The following SLC29A4 variants were observed in gnomAD, a reference collection of about 807,000 sequenced individuals.
The protein encoded by SLC29A4 is equilibrative nucleoside transporter 4.
Under a neutral mutation model 43.9 loss-of-function variants are expected in SLC29A4, and 36 were observed. The ratio of observed to expected loss-of-function variants is 0.82; its 90% confidence interval spans 0.63 to 1.08. The LOEUF (loss-of-function observed/expected upper bound fraction) is 1.08, where lower values mean the gene tolerates loss of function less well. Ranked by LOEUF, SLC29A4 falls within the 50% of genes least tolerant of loss-of-function variation. The pLI is 0.00. For missense variants in SLC29A4, 869 were observed against 755.3 expected, an observed-to-expected ratio of 1.15 and a Z score of -1.77; for synonymous variants, 491 against 338.0, an observed-to-expected ratio of 1.45 and a Z score of -4.97.
chr7:5,303,095 T>C lies in SLC29A4; in HGVS notation c.*156T>C, dbSNP rs1434842175. 3.4e-6 allele frequency: 3 copies of C among 881,898 alleles called. No individual in the cohort carries two copies. The highest frequency in any genetic ancestry group is 5.1e-6 in the Non-Finnish European group (3 of 589,060). The allele number at this position is 881,898 out of a possible 1,614,324, so 54.6% of individuals were successfully genotyped here. ...CTCAGGGTCCAGCCATGCCCCACCCTGGACTGAAGTTCTGCAAAGTCCTCC... is the reference window on the plus strand; with the variant it reads ...CTCAGGGTCCAGCCATGCCCCACCCCGGACTGAAGTTCTGCAAAGTCCTCC... On this transcript the variant is annotated 3_prime_UTR_variant, in exon 11 of 11. Transcript: ENST00000396872.
At chr7:5,296,801 G>T (rs1161547928) in intron 6 of SLC29A4, 135 bp from the exon 7 acceptor site, 5 of 1,019,050 alleles carry the variant, frequency 4.9e-6, no homozygotes, top group Non-Finnish European at 6.7e-6. Flanking sequence ...GGCGGGGCCT[G>T]TGGGTGGGGG....
Position 5,291,811 on chromosome 7 carries a change from C to T in SLC29A4, c.534C>T (p.Phe178=), listed in dbSNP as rs749900667. Residue 178 remains phenylalanine (F), a synonymous_variant, in exon 5 of 11, where the codon TTC becomes TTT. Transcript: ENST00000396872. The part of the protein sequence containing the change: ...INLAAVGTVA[F]GCTVQQSSFY... ...TGGCCGCTGTGGGCACCGTGGCCTT[C>T]GGCTGCACAGGTAGGAACCGGGGCC... is the stretch of plus-strand genomic sequence containing the variant. The T allele has an allele frequency of 2.0e-5, 32 of 1,611,590 alleles. No homozygotes were observed. The South Asian group carries it at 2.6e-4, about 13-fold the overall frequency.
In SLC29A4 at chr7:5,304,078, A is replaced by G. The variant is rs1786358120; in HGVS notation, c.*1139A>G. The G allele has an allele frequency of 6.6e-6, 1 of 152,298 alleles. No individual in the cohort carries two copies. The highest frequency in any genetic ancestry group is 1.5e-5 in the Non-Finnish European group (1 of 68,134). 9.4% of individuals were successfully genotyped at this position (152,298 alleles called of 1,614,324 possible). ...CCGCTGCACCGCCGCCTGCAAGCAG[A>G]GTTTGTGCGTGGACGGGGGCTGGGA... On this transcript the variant is annotated 3_prime_UTR_variant, in exon 11 of 11. Coordinates refer to ENST00000396872, the MANE Select transcript of SLC29A4 (RefSeq NM_153247.4).
At position 5,286,577 on chromosome 7, in the gene SLC29A4, C is replaced by T. The variant is rs548133189; in HGVS notation, c.-8-1232C>T. The stretch of plus-strand genomic sequence containing the variant: ...ATTTTAGGGGAAAAAGCTAGCCTGC[C>T]TCAGGCACACACAGGGCTGCCCACA... On this transcript the variant is annotated intron_variant, in intron 1 of 10. Coordinates refer to ENST00000396872, the MANE Select transcript of SLC29A4 (RefSeq NM_153247.4). Among the ~76,000 whole-genome samples the T allele has an allele frequency of 2.0e-4, 30 of 152,132 alleles. No individual in the cohort carries two copies. In the South Asian group the frequency reaches 5.6e-3, roughly 29 times the overall value.
chr7:5,301,483 G>A (rs2128092854), intron 10 of SLC29A4, among the ~76,000 whole-genome samples: 1 of 152,266 alleles, frequency 6.6e-6, no homozygotes, highest in African/African-American at 2.4e-5. Context: ...GGATGCAAGG[G>A]AAAGGCATCC....
intron 5 of SLC29A4, among the ~76,000 whole-genome samples, chr7:5,293,959 AGCCGG>A (rs1785476275): frequency 6.6e-6 from 1 of 152,066 alleles, no homozygotes; most frequent in Non-Finnish European, 1.5e-5. Context: ...ACAAAAAATT[AGCCGG>A]GTGTGGTGGT....
chr7:5,283,801 T>C (rs1356637490), intron 1 of SLC29A4, among the ~76,000 whole-genome samples: 1 of 152,172 alleles, frequency 6.6e-6, no homozygotes, highest in Non-Finnish European at 1.5e-5. Flanking sequence ...TAACCAGGGC[T>C]GGTGACTGAG....
At chr7:5,288,164 C>T (rs577646584) in intron 2 of SLC29A4, among the ~76,000 whole-genome samples, 179 bp downstream of exon 2, 12 of 152,276 alleles carry the variant, frequency 7.9e-5, no homozygotes, top group African/African-American at 1.9e-4. Context: ...TCAGTGTCTC[C>T]GCCCTGATGC....
intron 7 of SLC29A4, 58 bp from the exon 8 acceptor site, chr7:5,298,930 C>G (rs1384239306): frequency 1.9e-6 from 3 of 1,565,490 alleles, no homozygotes; most frequent in African/African-American, 2.7e-5. Flanking sequence ...GGATTCCTGG[C>G]CCGTGTCTCC....
At chr7:5,298,933 G>T in intron 7 of SLC29A4, 55 bp from the exon 8 acceptor site, 1 of 1,570,016 alleles carries the variant, frequency 6.4e-7, no homozygotes. Flanking sequence ...TTCCTGGCCC[G>T]TGTCTCCTGT....
rs771105876 is a variant in SLC29A4, at chr7:5,299,353, C to T, written c.1135C>T (p.Arg379Cys). The change falls in exon 9 of 11, where the codon CGC (arginine) becomes TGC (cysteine). Residue 379 changes from arginine (R) to cysteine (C), a missense_variant. Physicochemically the swap from Arg to Cys is radical, Grantham distance 180. Coordinates refer to ENST00000396872, the MANE Select transcript of SLC29A4 (RefSeq NM_153247.4). Reference protein sequence around the residue: ...CLFPGLESEIRHCILGEWLPI... With the variant: ...CLFPGLESEICHCILGEWLPI... ...GTTCCCCGGCCTCGAGTCTGAGATC[C>T]GCCACTGCATCCTGGGCGAGTGGCT... 18 of 1,612,252 alleles carry T rather than the reference C, an allele frequency of 1.1e-5. No individual in the cohort carries two copies. The highest frequency in any genetic ancestry group is 1.4e-5 in the Non-Finnish European group (17 of 1,179,860).
At chr7:5,302,099 C>A (rs781751212) in intron 10 of SLC29A4, among the ~76,000 whole-genome samples, 1 of 152,114 alleles carries the variant, frequency 6.6e-6, no homozygotes, top group African/African-American at 2.4e-5. Flanking sequence ...TATGGATGCC[C>A]CCCACCATAC....
chr7:5,306,628 C>A lies in SLC29A4; in HGVS notation c.*3689C>A, dbSNP rs1252760918. 2.0e-5 allele frequency: 3 copies of A among 152,156 alleles called. No homozygotes were observed. Among genetic ancestry groups the A allele is most frequent in the Admixed American group, 6.6e-5 (1 of 15,262 alleles). 9.4% of individuals were successfully genotyped at this position (152,156 alleles called of 1,614,324 possible). A position where few individuals can be genotyped will look rare whatever the true frequency, so the allele number is the denominator to read the frequency against. On this transcript the variant is annotated 3_prime_UTR_variant, in exon 11 of 11. Coordinates refer to ENST00000396872, the MANE Select transcript of SLC29A4 (RefSeq NM_153247.4). ...GCATTACAGGCGTGAGCCACTGTGCCCAGCCGATGAGCTCATTTAGATGGC... is the reference window on the plus strand; with the variant it reads ...GCATTACAGGCGTGAGCCACTGTGCACAGCCGATGAGCTCATTTAGATGGC...
intron 7 of SLC29A4, among the ~76,000 whole-genome samples, chr7:5,297,880 C>T (rs912660195): frequency 3.3e-5 from 5 of 152,148 alleles, no homozygotes; most frequent in African/African-American, 1.2e-4. Context: ...CCTACGGGGT[C>T]CCCAGCACAG....
chr7:5,299,190 G>A, intron 8 of SLC29A4, 50 bp from the exon 9 acceptor site: 13 of 1,598,724 alleles, frequency 8.1e-6, no homozygotes, highest in Non-Finnish European at 1.1e-5. Flanking sequence ...GGGGAGGCAG[G>A]CAGGGGTCCC....
intron 1 of SLC29A4, among the ~76,000 whole-genome samples, chr7:5,283,674 G>A (rs948065075): frequency 7.2e-5 from 11 of 152,172 alleles, no homozygotes; most frequent in African/African-American, 2.4e-4. Context: ...TGGCCGGAGG[G>A]GCTTGTAACC....
chr7:5,299,555 C>G (rs1473971068), intron 9 of SLC29A4, 128 bp downstream of exon 9: 58 of 1,075,304 alleles, frequency 5.4e-5, no homozygotes, highest in Non-Finnish European at 7.0e-5. Context: ...AGGGCAAGAG[C>G]TGTGCAGTGG....
intron 2 of SLC29A4, among the ~76,000 whole-genome samples, chr7:5,289,351 C>G (rs1382671512): frequency 6.6e-6 from 1 of 152,018 alleles, no homozygotes; most frequent in Non-Finnish European, 1.5e-5. Flanking sequence ...GAGCCAAGGT[C>G]ATGCCACTGC....
rs1365608080 is a variant in SLC29A4, at chr7:5,305,401, T to G, written c.*2462T>G. 2.6e-5 allele frequency: 4 copies of G among 152,300 alleles called. No homozygotes were observed. 9.4% of individuals were successfully genotyped at this position (152,300 alleles called of 1,614,324 possible). On this transcript the variant is annotated 3_prime_UTR_variant, in exon 11 of 11. Coordinates refer to ENST00000396872, the MANE Select transcript of SLC29A4 (RefSeq NM_153247.4). ...CACCCACACTAACCAGGTCAGTCACTGGGCAGCCAGACCCCCACCTATAGC... is the reference window on the plus strand; with the variant it reads ...CACCCACACTAACCAGGTCAGTCACGGGGCAGCCAGACCCCCACCTATAGC...
Sources: gnomAD v4.1 joint callset for allele counts (sites outside exome capture counted in the v4.1 genomes callset) on GRCh38, gnomAD v4.1.1 for gene constraint, MANE v1.5 for transcripts, NCBI Gene and HGNC (gene_info 2026-07-23, HGNC 2026-07-21) for gene names.